Variants in TMEM192 observed in about 807,000 individuals in gnomAD.
TMEM192 encodes transmembrane protein 192.
In TMEM192, 20 loss-of-function variants were observed where a neutral mutation model predicts 26.7. The ratio of observed to expected loss-of-function variants is 0.75; its 90% CI spans 0.53 to 1.09. The LOEUF (loss-of-function observed/expected upper bound fraction) is 1.09. TMEM192 is among the 50% of genes least tolerant of loss of function. The pLI is 0.00. For synonymous variants in TMEM192, 124 were observed against 121.0 expected, an observed-to-expected ratio of 1.02 and a Z score of -0.16; for missense variants, 304 against 322.6, an observed-to-expected ratio of 0.94 and a Z score of 0.44.
intron 1 of TMEM192, chr4:165,111,783 C>T (rs1210986842): frequency 6.6e-6 from 1 of 152,216 alleles, no homozygotes. Context: ...TACCGTAATG[C>T]TGGAACTGTT....
intron 3 of TMEM192, among the ~76,000 whole-genome samples, chr4:165,090,136 G>A (rs753731145): frequency 2.7e-5 from 4 of 150,560 alleles, no homozygotes; most frequent in African/African-American, 4.9e-5. Context: ...ACTTGAACCC[G>A]GGAGGTGGAG....
At chr4:165,102,880 C>T (rs751965330) in intron 2 of TMEM192, 70 bp downstream of exon 2, 2 of 1,431,478 alleles carry the variant, frequency 1.4e-6, no homozygotes, top group East Asian at 4.9e-5. Context: ...GCACAACTGC[C>T]CTCTGAAACA....
Position 165,088,523 on chromosome 4 carries a change from C to T in TMEM192, c.519G>A (p.Leu173=). Residue 173 remains leucine (L), a synonymous_variant, in exon 4 of 6, where the codon CTG becomes CTA. Coordinates refer to ENST00000306480, the MANE Select transcript of TMEM192 (RefSeq NM_001100389.2). ...EPGRLYLDLI[L]AILALELICS... is the part of the protein sequence containing the mutation. ...AGATGAGTTCCAGTGCCAAGATGGC[C>T]AGAATGAGGTCAAGATACAATCTGC... The T allele has an allele frequency of 6.2e-7, 1 of 1,613,468 alleles. No homozygotes were observed. The highest frequency in any genetic ancestry group is 8.5e-7 in the Non-Finnish European group (1 of 1,179,770).
chr4:165,103,017 G>T lies in TMEM192; in HGVS notation c.107C>A (p.Ala36Asp), dbSNP rs1735073675. 2.5e-6 allele frequency: 4 copies of T among 1,613,638 alleles called. No homozygotes were observed. In the East Asian group the frequency reaches 8.9e-5, roughly 36 times the overall value. Residue 36 changes from alanine (A) to aspartate (D), a missense_variant, in exon 2 of 6, where the codon GCT becomes GAT. Coordinates refer to ENST00000306480, the MANE Select transcript of TMEM192 (RefSeq NM_001100389.2). ...AQLLPHHSLQAHFRPRFHPLP... is the reference protein window; with the variant it reads ...AQLLPHHSLQDHFRPRFHPLP... Reference sequence around the variant, plus strand: ...AGGATGGAATCGGGGTCTAAAGTGAGCTTGTAATGAGTGGTGTGGGAGAAG... The same window carrying T: ...AGGATGGAATCGGGGTCTAAAGTGATCTTGTAATGAGTGGTGTGGGAGAAG...
At chr4:165,084,188 CTAAG>C (rs796288648) in intron 5 of TMEM192, among the ~76,000 whole-genome samples, 24 of 151,364 alleles carry the variant, frequency 1.6e-4, no homozygotes, top group African/African-American at 5.8e-4. Context: ...TCTTAAGCCC[CTAAG>C]TAATACACTT....
intron 3 of TMEM192, among the ~76,000 whole-genome samples, chr4:165,097,776 G>T (rs1233810310): frequency 1.3e-5 from 2 of 150,482 alleles, no homozygotes; most frequent in Non-Finnish European, 3.0e-5. Flanking sequence ...TACCACACAT[G>T]ACTAATTTAT....
At chr4:165,103,448 A>T (rs1326451010) in intron 1 of TMEM192, among the ~76,000 whole-genome samples, 2 of 150,476 alleles carry the variant, frequency 1.3e-5, no homozygotes, top group Non-Finnish European at 3.0e-5. Flanking sequence ...AGGTTCGAGC[A>T]ATTCTCCTGC....
intron 3 of TMEM192, 43 bp from the exon 4 acceptor site, chr4:165,088,645 C>T (rs1281508248): frequency 1.3e-6 from 2 of 1,566,786 alleles, no homozygotes; most frequent in African/African-American, 1.4e-5. Flanking sequence ...ATGAGAAATA[C>T]ATATATGGTC....
At chr4:165,112,322 C>T (rs1287497186) in intron 1 of TMEM192, among the ~76,000 whole-genome samples, 2 of 152,220 alleles carry the variant, frequency 1.3e-5, no homozygotes, top group African/African-American at 4.8e-5. Context: ...GGAGATTCGC[C>T]CCCTGTGCCC....
rs1734343096 is a variant in TMEM192 at position 165,075,022 on chromosome 4, A to C, written c.*4636T>G. The stretch of plus-strand genomic sequence containing the variant: ...CTTCATTAGTATCCAAAGAAATACA[A>C]TTTGAAACAATGACACACTCATCAG... On this transcript the variant is annotated 3_prime_UTR_variant, in exon 6 of 6. Coordinates refer to ENST00000306480, the MANE Select transcript of TMEM192 (RefSeq NM_001100389.2). 6.6e-6 allele frequency: 1 copy of C among 152,226 alleles called. No homozygotes were observed. The highest frequency in any genetic ancestry group is 2.4e-5 in the African/African-American group (1 of 41,464). The allele number at this position is 152,226 out of a possible 1,614,324, so 9.4% of individuals were successfully genotyped here.
chr4:165,085,804 T>C (rs1734600969), intron 4 of TMEM192, 116 bp from the exon 5 acceptor site: 1 of 699,388 alleles, frequency 1.4e-6, no homozygotes. Flanking sequence ...CAAATTCTAC[T>C]ATGTGCCAGG....
At chr4:165,090,645 T>C (rs967162278) in intron 3 of TMEM192, among the ~76,000 whole-genome samples, 3 of 151,620 alleles carry the variant, frequency 2.0e-5, no homozygotes, top group Non-Finnish European at 4.4e-5. Flanking sequence ...TGGCTCACAC[T>C]TGTAATCCCA....
chr4:165,103,446 G>A (rs1735090683), intron 1 of TMEM192, among the ~76,000 whole-genome samples: 1 of 149,618 alleles, frequency 6.7e-6, no homozygotes, highest in South Asian at 2.1e-4. Context: ...CCAGGTTCGA[G>A]CAATTCTCCT....
intron 1 of TMEM192, among the ~76,000 whole-genome samples, chr4:165,108,765 A>C (rs751067573): frequency 1.1e-4 from 17 of 152,068 alleles, no homozygotes; most frequent in Non-Finnish European, 1.6e-4. Context: ...CTCCCCGTGC[A>C]TATCTTCAGA....
In TMEM192 at chr4:165,074,379, T is replaced by C. The variant is rs1734329519; in HGVS notation, c.*5279A>G. ...ATCTCAAATTTGTGATTGTCACATA[T>C]TCAAAGTTTGATTCTTCAAGAACTC... On this transcript the variant is annotated 3_prime_UTR_variant, in exon 6 of 6. Coordinates refer to ENST00000306480, the MANE Select transcript of TMEM192 (RefSeq NM_001100389.2). The C allele has an allele frequency of 6.6e-6, 1 of 152,220 alleles. No individual in the cohort carries two copies. Among genetic ancestry groups the C allele is most frequent in the Admixed American group, 6.5e-5 (1 of 15,274 alleles). 9.4% of individuals were successfully genotyped at this position (152,220 alleles called of 1,614,324 possible). A position where few individuals can be genotyped will look rare whatever the true frequency, so the allele number is the denominator to read the frequency against.
chr4:165,075,783 TG>T lies in TMEM192; in HGVS notation c.*3874del, dbSNP rs1320556056. 1 of 152,112 alleles carries T rather than the reference TG, an allele frequency of 6.6e-6. No individual in the cohort carries two copies. Among genetic ancestry groups the T allele is most frequent in the Non-Finnish European group, 1.5e-5 (1 of 68,046 alleles). 9.4% of individuals were successfully genotyped at this position (152,112 alleles called of 1,614,324 possible). A position where few individuals can be genotyped will look rare whatever the true frequency, so the allele number is the denominator to read the frequency against. On this transcript the variant is annotated 3_prime_UTR_variant, in exon 6 of 6. Coordinates refer to ENST00000306480, the MANE Select transcript of TMEM192 (RefSeq NM_001100389.2). ...TGGGGTTTCACCATCTTGGCCAGGC[TG>T]GTCTCTAACTCCTGACCTTGTGATC... is the stretch of plus-strand genomic sequence containing the variant.
rs1202560772 is a variant in TMEM192, at chr4:165,078,710, T to C, written c.*948A>G. On this transcript the variant is annotated 3_prime_UTR_variant, in exon 6 of 6. Coordinates refer to ENST00000306480, the MANE Select transcript of TMEM192 (RefSeq NM_001100389.2). ...CTAATGGAAGGTGCTGCCAATATAATAGGCAACACAGGTTCGTCTAACACA... is the reference window on the plus strand; with the variant it reads ...CTAATGGAAGGTGCTGCCAATATAACAGGCAACACAGGTTCGTCTAACACA... 2.6e-5 allele frequency: 4 copies of C among 152,266 alleles called. No homozygotes were observed. The highest frequency in any genetic ancestry group is 2.1e-4 in the South Asian group (1 of 4,836). 9.4% of individuals were successfully genotyped at this position (152,266 alleles called of 1,614,324 possible). A position where few individuals can be genotyped will look rare whatever the true frequency, so the allele number is the denominator to read the frequency against.
intron 4 of TMEM192, 80 bp downstream of exon 4, chr4:165,088,388 G>T: frequency 7.1e-7 from 1 of 1,407,164 alleles, no homozygotes; most frequent in Non-Finnish European, 9.6e-7. Context: ...CTTCCTTGTC[G>T]CTAATGGGCT....
intron 5 of TMEM192, among the ~76,000 whole-genome samples, chr4:165,080,184 G>A (rs1734488748): frequency 6.6e-6 from 1 of 152,024 alleles, no homozygotes; most frequent in African/African-American, 2.4e-5. Flanking sequence ...CTCTGACCAT[G>A]GGAAACAATT....
Sources: allele counts gnomAD v4.1 joint callset (sites outside exome capture counted in the v4.1 genomes callset), GRCh38; gene constraint gnomAD v4.1.1; transcripts MANE v1.5; gene names NCBI Gene and HGNC (gene_info 2026-07-23, HGNC 2026-07-21).